The following DOCK3 variants were observed in gnomAD, a reference collection of about 807,000 sequenced individuals.
The protein encoded by DOCK3 is dedicator of cytokinesis 3.
In DOCK3, 60 loss-of-function variants were observed where a neutral mutation model predicts 265.6. The ratio of observed to expected loss-of-function variants is 0.23; its 90% CI spans 0.18 to 0.28. The LOEUF is 0.28. DOCK3 is among the 10% of genes least tolerant of loss of function. The probability of loss-of-function intolerance (pLI) is 1.00; values close to 1 mark genes in which losing one functional copy is unlikely to be tolerated. For missense variants in DOCK3, 1,981 were observed against 2,594.3 expected (o/e 0.76, Z 5.14); for synonymous variants, 881 against 938.0 (o/e 0.94, Z 1.11).
At chr3:50,788,095 G>T in intron 2 of DOCK3, 1 of 755,090 alleles carries the variant, frequency 1.3e-6, no homozygotes, top group Non-Finnish European at 2.2e-6. Flanking sequence ...TCATCTTGGT[G>T]TCCACAAACA....
chr3:51,362,530 G>A lies in DOCK3; in HGVS notation c.5149G>A (p.Ala1717Thr), dbSNP rs371829460. Residue 1717 changes from alanine (A) to threonine (T), a missense_variant, in exon 49 of 53, where the codon GCG becomes ACG. This residue lies in a region of DOCK3 where 1,357 missense variants were observed against 1,866.8 expected (regional missense o/e 0.73). Coordinates refer to ENST00000266037, the MANE Select transcript of DOCK3 (RefSeq NM_004947.5). ...PEDLYHHMQL[A>T]YPNPRYQGSV... ...GCTGATTTTTCTCCCTTTGCAGCTCGCGTATCCCAACCCCAGGTACCAAGG... is the reference window on the plus strand; with the variant it reads ...GCTGATTTTTCTCCCTTTGCAGCTCACGTATCCCAACCCCAGGTACCAAGG... 68 of 1,613,808 alleles carry A rather than the reference G, an allele frequency of 4.2e-5. No individual in the cohort carries two copies. The highest frequency in any genetic ancestry group is 1.1e-4 in the East Asian group (5 of 44,880).
At chr3:50,863,110 G>A (rs2046989241) in intron 3 of DOCK3, among the ~76,000 whole-genome samples, 1 of 152,160 alleles carries the variant, frequency 6.6e-6, no homozygotes, top group African/African-American at 2.4e-5. Flanking sequence ...TCCCTTATGG[G>A]TGGCCCACAC....
chr3:51,080,336 T>A (rs2082184207), intron 7 of DOCK3, among the ~76,000 whole-genome samples: 1 of 152,238 alleles, frequency 6.6e-6, no homozygotes, highest in South Asian at 2.1e-4. Flanking sequence ...TTAATTAATT[T>A]ATATTTTTGA....
chr3:50,704,782 C>A (rs776657004), intron 1 of DOCK3, among the ~76,000 whole-genome samples: 3 of 151,976 alleles, frequency 2.0e-5, no homozygotes, highest in African/African-American at 7.3e-5. Context: ...TGTGCCATGA[C>A]GCTCAGCTAA....
intron 21 of DOCK3, among the ~76,000 whole-genome samples, 200 bp from the exon 22 acceptor site, chr3:51,246,526 A>T (rs2078850703): frequency 6.6e-6 from 1 of 152,192 alleles, no homozygotes; most frequent in Admixed American, 6.5e-5. Flanking sequence ...TGCTGATTAA[A>T]ATGTGGCAAC....
At chr3:51,336,632 C>T (rs73837431) in intron 35 of DOCK3, among the ~76,000 whole-genome samples, 5,223 of 152,258 alleles carry the variant, frequency 0.034, 325 homozygotes, top group African/African-American at 0.12. Flanking sequence ...CTTTAAAAGG[C>T]ATCCACCATG....
intron 9 of DOCK3, among the ~76,000 whole-genome samples, chr3:51,120,394 G>A (rs1212283771): frequency 1.3e-5 from 2 of 152,212 alleles, no homozygotes; most frequent in Non-Finnish European, 2.9e-5. Context: ...TGTATGAGGT[G>A]TCTGTCGACC....
At chr3:51,349,019 G>C in intron 39 of DOCK3, 81 bp downstream of exon 39, 1 of 1,309,246 alleles carries the variant, frequency 7.6e-7, no homozygotes, top group Non-Finnish European at 1.1e-6. Flanking sequence ...CCAGCCCTTA[G>C]TTTAGTGCTG....
chr3:51,155,118 A>G lies in DOCK3; in HGVS notation c.829-4126A>G, dbSNP rs111566118. 5.9e-3 allele frequency among the ~76,000 whole-genome samples: 903 copies of G among 151,962 alleles called. 9 individuals carry two copies. The highest frequency in any genetic ancestry group is 0.014 in the Middle Eastern group (4 of 292). On this transcript the variant is annotated intron_variant, in intron 10 of 52. Transcript: ENST00000266037. ...CCTCGGTCTCCTGAGTAGTGGGGCTATAGGCGCACACCATGCTTGGCTAAT... is the reference window on the plus strand; with the variant it reads ...CCTCGGTCTCCTGAGTAGTGGGGCTGTAGGCGCACACCATGCTTGGCTAAT...
intron 27 of DOCK3, among the ~76,000 whole-genome samples, chr3:51,307,888 T>G (rs2082784084): frequency 1.3e-5 from 2 of 149,778 alleles, no homozygotes; most frequent in Non-Finnish European, 3.0e-5. Context: ...GGTTTTTTTT[T>G]TTGTTTTTTT....
chr3:50,848,229 G>A (rs2046184456), intron 3 of DOCK3, among the ~76,000 whole-genome samples: 1 of 152,072 alleles, frequency 6.6e-6, no homozygotes, highest in African/African-American at 2.4e-5. Context: ...GCAGACAGAT[G>A]GGTCTTTTTG....
chr3:50,806,224 A>T (rs1404066358), intron 2 of DOCK3, among the ~76,000 whole-genome samples: 1 of 151,840 alleles, frequency 6.6e-6, no homozygotes, highest in East Asian at 1.9e-4. Flanking sequence ...GCTGTTTCTC[A>T]GGTCTGGGAT....
At chr3:50,934,238 A>G (rs1017471332) in intron 5 of DOCK3, among the ~76,000 whole-genome samples, 161 bp downstream of exon 5, 4 of 152,190 alleles carry the variant, frequency 2.6e-5, no homozygotes, top group African/African-American at 4.8e-5. Flanking sequence ...AGTTTTTTCA[A>G]CCTGAGGAGA....
intron 27 of DOCK3, among the ~76,000 whole-genome samples, chr3:51,289,969 T>C (rs1446315933): frequency 6.6e-6 from 1 of 152,138 alleles, no homozygotes; most frequent in East Asian, 1.9e-4. Flanking sequence ...GAAATGCAAA[T>C]CAAAACCACA....
chr3:50,930,329 T>G (rs2050988986), intron 4 of DOCK3, among the ~76,000 whole-genome samples: 1 of 152,220 alleles, frequency 6.6e-6, no homozygotes, highest in Non-Finnish European at 1.5e-5. Flanking sequence ...TTGTAGTGAG[T>G]GCAGAGGTCC....
At chr3:50,905,580 G>T (rs1387638141) in intron 4 of DOCK3, among the ~76,000 whole-genome samples, 35 of 151,916 alleles carry the variant, frequency 2.3e-4, no homozygotes, top group Admixed American at 5.2e-4. Flanking sequence ...TATTGGTGTA[G>T]AGGAATGCTT....
At chr3:51,309,827 G>A (rs966742769) in intron 27 of DOCK3, among the ~76,000 whole-genome samples, 9 of 152,182 alleles carry the variant, frequency 5.9e-5, no homozygotes, top group Non-Finnish European at 1.0e-4. Context: ...TCCCATCATC[G>A]TGTTCTTAAT....
intron 22 of DOCK3, among the ~76,000 whole-genome samples, chr3:51,258,732 A>T (rs2079687465): frequency 6.6e-6 from 1 of 152,026 alleles, no homozygotes; most frequent in South Asian, 2.1e-4. Context: ...GTCAGTTCTG[A>T]CCTTGTCCCT....
At position 51,249,103 on chromosome 3, in the gene DOCK3, G is replaced by C. The variant is rs1207486002; in HGVS notation, c.2184+2296G>C. On this transcript the variant is annotated intron_variant, in intron 22 of 52. Coordinates refer to ENST00000266037, the MANE Select transcript of DOCK3 (RefSeq NM_004947.5). ...GCCACCCCGTCCGGGAGGGAGGTGG[G>C]GGGGGTCAGCCCCCCGCCAGGCCAG... is the stretch of plus-strand genomic sequence containing the variant. 9.1e-5 allele frequency among the ~76,000 whole-genome samples: 13 copies of C among 143,550 alleles called. No individual in the cohort carries two copies. In the East Asian group the frequency reaches 1.4e-3, roughly 16 times the overall value. The allele number at this position is 143,550 out of a possible 152,430, so 94.2% of individuals were successfully genotyped here.
Sources: gnomAD v4.1 joint callset for allele counts (sites outside exome capture counted in the v4.1 genomes callset) on GRCh38, gnomAD v4.1.1 for gene constraint, gnomAD v4.1.1 regional missense constraint, MANE v1.5 for transcripts, NCBI Gene and HGNC (gene_info 2026-07-23, HGNC 2026-07-21) for gene names.